Variants in OTOGL observed in about 807,000 individuals in gnomAD.
OTOGL encodes otogelin-like protein.
OTOGL carries 285 observed loss-of-function variants against 318.5 expected under a neutral mutation model. The observed-to-expected ratio is 0.89, with a 90% confidence interval of 0.81 to 0.99. OTOGL has a LOEUF of 0.99. Among genes scored for constraint, OTOGL ranks in the 50% least tolerant of loss-of-function variants. The pLI is 0.00. For synonymous variants in OTOGL, 987 were observed against 936.5 expected (o/e 1.05, Z -0.99); for missense variants, 2,899 against 2,845.6 (o/e 1.02, Z -0.43).
intron 37 of OTOGL, among the ~76,000 whole-genome samples, chr12:80,330,253 C>G (rs1887985650): frequency 6.6e-6 from 1 of 152,138 alleles, no homozygotes; most frequent in South Asian, 2.1e-4. Context: ...GACTGCTTCT[C>G]TGGTTAGCTA....
chr12:80,137,995 A>G (rs1871685248), intron 1 of OTOGL, among the ~76,000 whole-genome samples: 1 of 152,214 alleles, frequency 6.6e-6, no homozygotes, highest in Admixed American at 6.5e-5. Context: ...AGATTACTGT[A>G]TGTTCTGATG....
chr12:80,352,833 A>G (rs1382008494), intron 45 of OTOGL, among the ~76,000 whole-genome samples: 1 of 152,224 alleles, frequency 6.6e-6, no homozygotes, highest in Non-Finnish European at 1.5e-5. Context: ...TTGACAATCC[A>G]CAAGGATTTT....
At chr12:80,197,912 G>A (rs1372188565) in intron 1 of OTOGL, among the ~76,000 whole-genome samples, 1 of 152,134 alleles carries the variant, frequency 6.6e-6, no homozygotes, top group Non-Finnish European at 1.5e-5. Context: ...ATATGTACAA[G>A]GGGGACATAA....
chr12:80,300,284 A>C (rs1270068711), intron 27 of OTOGL, among the ~76,000 whole-genome samples: 2 of 151,554 alleles, frequency 1.3e-5, no homozygotes, highest in African/African-American at 2.4e-5. Flanking sequence ...ACACCCTGTC[A>C]GTGCTGAGGG....
intron 24 of OTOGL, among the ~76,000 whole-genome samples, chr12:80,273,517 C>G (rs534918233): frequency 2.0e-5 from 3 of 152,178 alleles, no homozygotes; most frequent in Admixed American, 6.6e-5. Flanking sequence ...AGTTACTTAA[C>G]CACTTGAAAT....
chr12:80,292,983 A>G (rs1327396840), intron 26 of OTOGL, among the ~76,000 whole-genome samples: 1 of 152,236 alleles, frequency 6.6e-6, no homozygotes, highest in Non-Finnish European at 1.5e-5. Flanking sequence ...GAATTTGGAA[A>G]GGTTATCAAA....
chr12:80,335,874 A>T, intron 38 of OTOGL, 89 bp from the exon 39 acceptor site: 3 of 1,218,320 alleles, frequency 2.5e-6, no homozygotes, highest in Non-Finnish European at 3.3e-6. Flanking sequence ...ATAAATGTAC[A>T]CCATGGGCAA....
chr12:80,375,736 A>G (rs1180803320), intron 57 of OTOGL, among the ~76,000 whole-genome samples: 1 of 152,152 alleles, frequency 6.6e-6, no homozygotes, highest in African/African-American at 2.4e-5. Flanking sequence ...GGCATCTTAT[A>G]GGTCATGGTA....
At chr12:80,176,051 A>G (rs1293108582) in intron 1 of OTOGL, among the ~76,000 whole-genome samples, 1 of 152,184 alleles carries the variant, frequency 6.6e-6, no homozygotes, top group Non-Finnish European at 1.5e-5. Flanking sequence ...ATGGCTAGCA[A>G]AGAAGTAGGA....
intron 1 of OTOGL, among the ~76,000 whole-genome samples, chr12:80,179,822 T>C (rs1036785751): frequency 3.3e-5 from 5 of 152,228 alleles, no homozygotes; most frequent in Admixed American, 3.3e-4. Flanking sequence ...GCATCCATCA[T>C]GTATTGGTGG....
chr12:80,155,551 T>A (rs757204964), intron 1 of OTOGL, among the ~76,000 whole-genome samples: 2 of 152,226 alleles, frequency 1.3e-5, no homozygotes, highest in Non-Finnish European at 2.9e-5. Flanking sequence ...AGGCATGCAA[T>A]GCATAATAAT....
At chr12:80,149,100 A>C (rs1364029077) in intron 1 of OTOGL, among the ~76,000 whole-genome samples, 1 of 152,196 alleles carries the variant, frequency 6.6e-6, no homozygotes, top group Admixed American at 6.5e-5. Flanking sequence ...CTGGTGAGGA[A>C]CTGCGTTCCT....
intron 8 of OTOGL, among the ~76,000 whole-genome samples, chr12:80,229,636 G>GTC (rs548878280): frequency 2.9e-4 from 44 of 151,720 alleles, no homozygotes; most frequent in African/African-American, 9.7e-4. Context: ...GGAGATGAGA[G>GTC]TCTCTCTCTC....
chr12:80,191,818 C>T (rs1014618995), intron 1 of OTOGL, among the ~76,000 whole-genome samples: 15 of 152,192 alleles, frequency 9.9e-5, no homozygotes, highest in African/African-American at 2.9e-4. Flanking sequence ...CAAATCATCT[C>T]GCTCTCTTGT....
chr12:80,286,857 T>G (rs1884669270), intron 26 of OTOGL, among the ~76,000 whole-genome samples: 1 of 152,176 alleles, frequency 6.6e-6, no homozygotes, highest in South Asian at 2.1e-4. Flanking sequence ...ATTGATTTTT[T>G]GAAGGATTTT....
intron 7 of OTOGL, among the ~76,000 whole-genome samples, chr12:80,223,772 A>G (rs939858336): frequency 8.6e-5 from 13 of 151,104 alleles, no homozygotes; most frequent in African/African-American, 2.9e-4. Flanking sequence ...TTTTTGATGG[A>G]ATTGTTTGTT....
intron 11 of OTOGL, among the ~76,000 whole-genome samples, chr12:80,248,767 C>T (rs1240118657): frequency 6.7e-6 from 1 of 150,044 alleles, no homozygotes; most frequent in African/African-American, 2.5e-5. Context: ...TGTTTTCCAA[C>T]TTGGTTCCAT....
rs1387471112 is a variant in OTOGL, at chr12:80,262,003, C to T, written c.1924C>T (p.Leu642Phe). 1 of 1,613,042 alleles carries T rather than the reference C, an allele frequency of 6.2e-7. No individual in the cohort carries two copies. The highest frequency in any genetic ancestry group is 8.5e-7 in the Non-Finnish European group (1 of 1,179,322). ...AGGCATGATAGAAGGTACACCACAA[C>T]TTCACGCAAATGCGTGGAGAGTTTC... ...PSGMIEGTPQ[L>F]HANAWRVSST... is the part of the protein sequence containing the mutation. Residue 642 changes from leucine to phenylalanine, a missense_variant, in exon 19 of 59, where the codon CTT becomes TTT. Coordinates refer to ENST00000547103, the MANE Select transcript of OTOGL (RefSeq NM_001378609.3).
chr12:80,316,129 T>A (rs1304729942), intron 32 of OTOGL, among the ~76,000 whole-genome samples: 1 of 152,178 alleles, frequency 6.6e-6, no homozygotes, highest in Non-Finnish European at 1.5e-5. Flanking sequence ...TTGGCCAAAA[T>A]GTGGCAAACT....
Sources: gnomAD v4.1 joint callset for allele counts (sites outside exome capture counted in the v4.1 genomes callset) on GRCh38, gnomAD v4.1.1 for gene constraint, MANE v1.5 for transcripts, NCBI Gene and HGNC (gene_info 2026-07-23, HGNC 2026-07-21) for gene names.